MAEA: variants seen among roughly 807,000 people sequenced by gnomAD.
MAEA encodes the protein E3 ubiquitin-protein transferase MAEA.
A neutral mutation model predicts 46.2 loss-of-function variants in MAEA; 22 were observed. The observed-to-expected ratio is 0.48, with a 90% CI of 0.34 to 0.68. MAEA has a LOEUF of 0.68. Ranked by LOEUF, MAEA falls within the 30% of genes least tolerant of loss-of-function variation. The pLI is 0.01. For missense variants in MAEA, 393 were observed against 558.1 expected, an observed-to-expected ratio of 0.70 and a Z score of 2.98; for synonymous variants, 246 against 222.6, an observed-to-expected ratio of 1.11 and a Z score of -0.94.
At chr4:1,308,651 C>T (rs1480237033) in intron 1 of MAEA, among the ~76,000 whole-genome samples, 1 of 152,264 alleles carries the variant, frequency 6.6e-6, no homozygotes, top group African/African-American at 2.4e-5. Flanking sequence ...ACTTGTGTCT[C>T]CTGAGCAGTG....
chr4:1,339,278 G>C lies in MAEA; in HGVS notation c.*109G>C. 3 of 769,518 alleles carry C rather than the reference G, an allele frequency of 3.9e-6. No homozygotes were observed. The highest frequency in any genetic ancestry group is 4.5e-6 in the Non-Finnish European group (2 of 439,838). 47.7% of individuals were successfully genotyped at this position (769,518 alleles called of 1,614,324 possible). A position where few individuals can be genotyped will look rare whatever the true frequency, so the allele number is the denominator to read the frequency against. ...CTGCCGCGGCGTTTCTGTTTCTTGCGACCAAAGATCCGTGAGCAACGATAA... is the reference window on the plus strand; with the variant it reads ...CTGCCGCGGCGTTTCTGTTTCTTGCCACCAAAGATCCGTGAGCAACGATAA... On this transcript the variant is annotated 3_prime_UTR_variant, in exon 9 of 9. Transcript: ENST00000303400.
At chr4:1,306,154 C>A (rs1735806249) in intron 1 of MAEA, among the ~76,000 whole-genome samples, 1 of 152,150 alleles carries the variant, frequency 6.6e-6, no homozygotes, top group Non-Finnish European at 1.5e-5. Flanking sequence ...CACAGTCACA[C>A]CCAGAATAAT....
intron 5 of MAEA, 104 bp from the exon 6 acceptor site, chr4:1,332,653 G>A: frequency 1.2e-6 from 1 of 804,516 alleles, no homozygotes; most frequent in Non-Finnish European, 2.0e-6. Flanking sequence ...ACAGTGAGCT[G>A]TGACTGTGCC....
chr4:1,298,041 G>T (rs1164154246), intron 1 of MAEA: 1 of 456,330 alleles, frequency 2.2e-6, no homozygotes, highest in Non-Finnish European at 4.4e-6. Context: ...CCCGGTTGCT[G>T]CCTGGAGTGG....
At chr4:1,333,341 CAA>C (rs113840820) in intron 6 of MAEA, among the ~76,000 whole-genome samples, 20 of 133,476 alleles carry the variant, frequency 1.5e-4, no homozygotes, top group Admixed American at 3.0e-4. Flanking sequence ...ACCTTGTCTC[CAA>C]AAAAAAAAAA....
intron 1 of MAEA, among the ~76,000 whole-genome samples, chr4:1,294,303 C>T (rs775210814): frequency 2.0e-5 from 3 of 152,212 alleles, no homozygotes; most frequent in Non-Finnish European, 2.9e-5. Context: ...GGTCTTCCCT[C>T]CCAGGCCTGG....
At chr4:1,324,734 G>T (rs1738584910) in intron 4 of MAEA, among the ~76,000 whole-genome samples, 1 of 134,634 alleles carries the variant, frequency 7.4e-6, no homozygotes, top group African/African-American at 3.0e-5. Context: ...TCTGGTGTTG[G>T]ATGAAGTTGA....
chr4:1,324,260 A>G (rs1738519812), intron 4 of MAEA, among the ~76,000 whole-genome samples: 1 of 135,822 alleles, frequency 7.4e-6, no homozygotes. Flanking sequence ...CTGGTGTTGG[A>G]TGAGTTGAGA....
At chr4:1,323,915 T>C (rs1361344470) in intron 4 of MAEA, among the ~76,000 whole-genome samples, 1 of 152,072 alleles carries the variant, frequency 6.6e-6, no homozygotes, top group African/African-American at 2.4e-5. Context: ...TTGGATGAAG[T>C]TGAGATTGGA....
At chr4:1,296,828 G>T (rs916127658) in intron 1 of MAEA, among the ~76,000 whole-genome samples, 9 of 152,048 alleles carry the variant, frequency 5.9e-5, no homozygotes, top group Non-Finnish European at 8.8e-5. Context: ...CCCATCACTC[G>T]GCTCCCGTGA....
intron 8 of MAEA, 145 bp from the exon 9 acceptor site, chr4:1,338,929 T>C: frequency 1.4e-6 from 1 of 728,000 alleles, no homozygotes; most frequent in African/African-American, 1.8e-5. Flanking sequence ...GGCCCCGGGA[T>C]TTCTTTGGCA....
rs575506330 is a variant in MAEA at position 1,308,459 on chromosome 4, C to T, written c.70-3520C>T. Among the ~76,000 whole-genome samples, 9 of 152,358 alleles carry T rather than the reference C, an allele frequency of 5.9e-5. No individual in the cohort carries two copies. In the East Asian group the frequency reaches 1.7e-3, roughly 29 times the overall value. On this transcript the variant is annotated intron_variant, in intron 1 of 8. Transcript: ENST00000303400. ...CCCTGCCTTCAGTTCTCGTGGCCTA[C>T]TGGGGACTCAGGAGCCTTGTGCCTA...
chr4:1,339,335 A>G lies in MAEA; in HGVS notation c.*166A>G, dbSNP rs889948627. 6.7e-6 allele frequency: 4 copies of G among 595,690 alleles called. No homozygotes were observed. Among genetic ancestry groups the G allele is most frequent in the East Asian group, 2.8e-5 (1 of 35,782 alleles). The allele number at this position is 595,690 out of a possible 1,614,324, so 36.9% of individuals were successfully genotyped here. On this transcript the variant is annotated 3_prime_UTR_variant, in exon 9 of 9. Coordinates refer to ENST00000303400, the MANE Select transcript of MAEA (RefSeq NM_001017405.3). ...TTAGGAAGAGAGAAAATAAGGTTTC[A>G]TAAGTTTGTACTTGAAAACATTTGG...
In MAEA at chr4:1,311,787, G is replaced by T. The variant is rs2108907214; in HGVS notation, c.70-192G>T. On this transcript the variant is annotated intron_variant, in intron 1 of 8. Transcript: ENST00000303400. The surrounding 1 kb of genome is among the most constrained non-coding windows in gnomAD (Gnocchi z 4.4). ...GGGGTTGCTTCTCATCCAGGGATGTGGAGTGGCTCTCCGTTCAGCAGGGCT... is the reference window on the plus strand; with the variant it reads ...GGGGTTGCTTCTCATCCAGGGATGTTGAGTGGCTCTCCGTTCAGCAGGGCT... Among the ~76,000 whole-genome samples the T allele has an allele frequency of 6.6e-6, 1 of 152,344 alleles. No homozygotes were observed. The highest frequency in any genetic ancestry group is 1.5e-5 in the Non-Finnish European group (1 of 68,034).
chr4:1,291,368 G>A (rs1358722789), intron 1 of MAEA, among the ~76,000 whole-genome samples: 1 of 152,152 alleles, frequency 6.6e-6, no homozygotes, highest in Non-Finnish European at 1.5e-5. Context: ...GGAAGGGAGG[G>A]CAATGTTGCT....
chr4:1,302,894 G>A (rs73071932), intron 1 of MAEA, among the ~76,000 whole-genome samples: 23,368 of 152,032 alleles, frequency 0.15, 3,446 homozygotes, highest in East Asian at 0.42. Context: ...ACCACAGTGA[G>A]GTGCTGCTTC....
chr4:1,296,336 C>T (rs1317608726), intron 1 of MAEA, among the ~76,000 whole-genome samples: 2 of 22,818 alleles, frequency 8.8e-5, no homozygotes, highest in Non-Finnish European at 2.0e-4. Context: ...CTATGCTACC[C>T]TCACCTGTGC....
chr4:1,326,602 TG>T (rs1738850606), intron 4 of MAEA, among the ~76,000 whole-genome samples: 3 of 152,280 alleles, frequency 2.0e-5, no homozygotes, highest in African/African-American at 7.2e-5. Flanking sequence ...ATGTGGGACT[TG>T]GTCCTGCAGG....
At chr4:1,329,484 CG>C in intron 5 of MAEA, 1 of 985,306 alleles carries the variant, frequency 1.0e-6, no homozygotes, top group Non-Finnish European at 1.2e-6. Context: ...TCCTTCCTCC[CG>C]CAAGCAGACA....
Sources: gnomAD v4.1 joint callset for allele counts (sites outside exome capture counted in the v4.1 genomes callset) on GRCh38, gnomAD v4.1.1 for gene constraint, Gnocchi (gnomAD v3.1) non-coding constraint, MANE v1.5 for transcripts, NCBI Gene and HGNC (gene_info 2026-07-23, HGNC 2026-07-21) for gene names.